EXOC2: variants seen among roughly 807,000 people sequenced by gnomAD.
EXOC2 encodes exocyst complex component 2, also known as SEC5-like 1.
A neutral mutation model predicts 131.8 loss-of-function variants in EXOC2; 70 were observed. The observed-to-expected ratio is 0.53, with a 90% CI of 0.44 to 0.65. The LOEUF (loss-of-function observed/expected upper bound fraction) is 0.65. Among genes scored for constraint, EXOC2 ranks in the 30% least tolerant of loss-of-function variants. EXOC2 has a pLI of 0.00. For missense variants in EXOC2, 923 were observed against 1,108.6 expected (o/e 0.83, Z 2.38); for synonymous variants, 411 against 398.4 (o/e 1.03, Z -0.38).
chr6:686,929 C>T (rs1005123219), intron 1 of EXOC2, among the ~76,000 whole-genome samples: 4 of 151,980 alleles, frequency 2.6e-5, no homozygotes, highest in Non-Finnish European at 4.4e-5. Context: ...AAAGAAGATA[C>T]ACTACTTAAT....
intron 4 of EXOC2, among the ~76,000 whole-genome samples, chr6:621,959 G>A (rs1761314614): frequency 6.6e-6 from 1 of 152,198 alleles, no homozygotes; most frequent in Non-Finnish European, 1.5e-5. Context: ...ACTGAGTGGA[G>A]GCTTAGGCTA....
chr6:611,998 C>T (rs1760738426), intron 6 of EXOC2, among the ~76,000 whole-genome samples: 1 of 152,198 alleles, frequency 6.6e-6, no homozygotes, highest in African/African-American at 2.4e-5. Flanking sequence ...TAATATCCAT[C>T]CATGCATTTA....
intron 23 of EXOC2, among the ~76,000 whole-genome samples, chr6:505,620 G>A (rs1441993940): frequency 1.3e-5 from 2 of 152,206 alleles, no homozygotes; most frequent in Non-Finnish European, 2.9e-5. Flanking sequence ...CCCAGGTGCT[G>A]CCTGGATCCA....
rs1757421661 is a variant in EXOC2, at chr6:556,387, G to A, written c.1932+97C>T. 3.3e-6 allele frequency: 4 copies of A among 1,223,184 alleles called. No homozygotes were observed. The Admixed American group carries it at 5.9e-5, about 18-fold the overall frequency. 75.8% of individuals were successfully genotyped at this position (1,223,184 alleles called of 1,614,324 possible). Reference sequence around the variant, plus strand: ...TAAATGGAACAAGCAGGCGAAGAGGGAGAAAAGATCTTGCAGTACGATGAG... The same window carrying A: ...TAAATGGAACAAGCAGGCGAAGAGGAAGAAAAGATCTTGCAGTACGATGAG... On this transcript the variant is annotated intron_variant, in intron 18 of 27. Coordinates refer to ENST00000230449, the MANE Select transcript of EXOC2 (RefSeq NM_018303.6).
intron 1 of EXOC2, chr6:656,461 A>G (rs1164692104): frequency 6.8e-6 from 11 of 1,612,594 alleles, no homozygotes; most frequent in African/African-American, 1.3e-5. Context: ...AGCGTCCTCC[A>G]GCGCGGCAGG....
intron 3 of EXOC2, 132 bp from the exon 4 acceptor site, chr6:630,093 A>G (rs1055479153): frequency 1.8e-6 from 2 of 1,119,252 alleles, no homozygotes; most frequent in Non-Finnish European, 2.4e-6. Context: ...AGATTTGAGG[A>G]CATAACAGCT....
intron 1 of EXOC2, among the ~76,000 whole-genome samples, chr6:684,886 TG>T (rs1351635469): frequency 6.6e-6 from 1 of 152,186 alleles, no homozygotes; most frequent in East Asian, 1.9e-4. Flanking sequence ...AGAGTTTCGC[TG>T]ATTTCAACAG....
chr6:547,714 C>T (rs1756939792), intron 22 of EXOC2, among the ~76,000 whole-genome samples: 1 of 151,800 alleles, frequency 6.6e-6, no homozygotes. Flanking sequence ...AACTGAATTT[C>T]AAAATATTCA....
rs140296352 is a variant in EXOC2 at position 572,556 on chromosome 6, G to C, written c.1407C>G (p.Leu469=). ...GGCTTCCATTAACGTAGGAGATCCA[G>C]AGTTTCCAGAAGTTAGGCAGCTGGC... ...VLSQLPNFWK[L]WISYVNGSLF... The change falls in exon 13 of 28, where the codon CTC becomes CTG. Residue 469 remains leucine, a synonymous_variant. Transcript: ENST00000230449. 1 of 1,614,068 alleles carries C rather than the reference G, an allele frequency of 6.2e-7. No homozygotes were observed. The highest frequency in any genetic ancestry group is 1.3e-5 in the African/African-American group (1 of 74,934).
intron 17 of EXOC2, among the ~76,000 whole-genome samples, chr6:558,341 A>G (rs1757529470): frequency 6.6e-6 from 1 of 152,220 alleles, no homozygotes; most frequent in Admixed American, 6.5e-5. Context: ...AATAAGAAAT[A>G]GAGGATGAAA....
At chr6:652,682 T>TA (rs1561974200) in intron 1 of EXOC2, among the ~76,000 whole-genome samples, 1 of 152,126 alleles carries the variant, frequency 6.6e-6, no homozygotes, top group Non-Finnish European at 1.5e-5. Context: ...CTAAGTAAAG[T>TA]ACTGGAATAC....
chr6:615,176 G>GGTGGGTGT (rs1554137925), intron 6 of EXOC2, among the ~76,000 whole-genome samples: 3 of 103,784 alleles, frequency 2.9e-5, no homozygotes, highest in Admixed American at 9.6e-5. Flanking sequence ...AGTATATGTG[G>GGTGGGTGT]GTGTGGGTGT....
At chr6:659,215 A>T (rs962614248) in intron 1 of EXOC2, among the ~76,000 whole-genome samples, 7 of 152,336 alleles carry the variant, frequency 4.6e-5, no homozygotes, top group African/African-American at 1.7e-4. Flanking sequence ...TATTTAACTG[A>T]CATTGCGTTT....
chr6:598,643 G>A (rs548636066), intron 9 of EXOC2, among the ~76,000 whole-genome samples: 1 of 152,320 alleles, frequency 6.6e-6, no homozygotes, highest in East Asian at 1.9e-4. Flanking sequence ...GGCAGAGAAC[G>A]TCTCAGGCGA....
At chr6:553,387 A>G (rs1581424413) in intron 21 of EXOC2, among the ~76,000 whole-genome samples, 1 of 73,218 alleles carries the variant, frequency 1.4e-5, no homozygotes, top group South Asian at 6.5e-4. Flanking sequence ...CTGTTTGTGT[A>G]TAAGTGTGTG....
intron 25 of EXOC2, among the ~76,000 whole-genome samples, chr6:491,485 ACTCT>A (rs895530255): frequency 6.6e-6 from 1 of 152,216 alleles, no homozygotes; most frequent in African/African-American, 2.4e-5. Context: ...ATCTGTATTT[ACTCT>A]CTAACCACTA....
intron 23 of EXOC2, among the ~76,000 whole-genome samples, chr6:507,243 A>AC (rs200882525): frequency 1.2e-4 from 7 of 58,734 alleles, no homozygotes; most frequent in Admixed American, 5.7e-4. Flanking sequence ...CACAGCAGTG[A>AC]CCCCCCCACA....
chr6:656,068 G>T (rs1036822420), intron 1 of EXOC2: 3 of 1,471,264 alleles, frequency 2.0e-6, no homozygotes. Flanking sequence ...GTTTTGAAAA[G>T]ATCAAAACCT....
Position 648,661 on chromosome 6 carries a change from G to C in EXOC2, c.-43-10800C>G, listed in dbSNP as rs571076112. On this transcript the variant is annotated intron_variant, in intron 1 of 27. Coordinates refer to ENST00000230449, the MANE Select transcript of EXOC2 (RefSeq NM_018303.6). ...TTTAAGACAATTAAGAAAGCACTAA[G>C]GAATAAAGTGAATAAGCCTATCCTA... is the stretch of plus-strand genomic sequence containing the variant. Among the ~76,000 whole-genome samples, 4 of 150,500 alleles carry C rather than the reference G, an allele frequency of 2.7e-5. No homozygotes were observed. The South Asian group carries it at 8.4e-4, about 32-fold the overall frequency.
Sources: gnomAD v4.1 joint callset for allele counts (sites outside exome capture counted in the v4.1 genomes callset) on GRCh38, gnomAD v4.1.1 for gene constraint, MANE v1.5 for transcripts, NCBI Gene and HGNC (gene_info 2026-07-23, HGNC 2026-07-21) for gene names.